Variants in SERGEF observed in about 807,000 individuals in gnomAD.
SERGEF encodes the protein secretion regulating guanine nucleotide exchange factor, also known as secretion-regulating guanine nucleotide exchange factor.
SERGEF carries 51 observed loss-of-function variants against 50.0 expected under a neutral mutation model. The ratio of observed to expected loss-of-function variants is 1.02; its 90% CI spans 0.81 to 1.29. The LOEUF is 1.29. SERGEF is among the 50% of genes most tolerant of loss of function. The pLI is 0.00. For missense variants in SERGEF, 521 were observed against 557.0 expected, an observed-to-expected ratio of 0.94 and a Z score of 0.65; for synonymous variants, 205 against 212.4, an observed-to-expected ratio of 0.97 and a Z score of 0.30.
At chr11:17,980,345 T>C (rs1455699136) in intron 8 of SERGEF, among the ~76,000 whole-genome samples, 1 of 152,166 alleles carries the variant, frequency 6.6e-6, no homozygotes, top group African/African-American at 2.4e-5. Flanking sequence ...ATCTTGCCTC[T>C]CTTCCATGCA....
chr11:17,918,665 C>G, intron 9 of SERGEF: 1 of 232,750 alleles, frequency 4.3e-6, no homozygotes. Context: ...CACACACACT[C>G]TCTCTCTCTC....
At chr11:17,845,017 C>T (rs1009846363) in intron 10 of SERGEF, among the ~76,000 whole-genome samples, 14 of 152,228 alleles carry the variant, frequency 9.2e-5, no homozygotes, top group East Asian at 5.8e-4. Context: ...ACATGCAGCT[C>T]GCTGCCCGTG....
At chr11:17,867,915 G>A (rs1851063361) in intron 10 of SERGEF, among the ~76,000 whole-genome samples, 2 of 152,138 alleles carry the variant, frequency 1.3e-5, no homozygotes, top group South Asian at 4.1e-4. Context: ...CTGGGACACA[G>A]GGCACCAAGT....
chr11:17,866,887 G>A (rs1271475575), intron 10 of SERGEF: 1 of 152,220 alleles, frequency 6.6e-6, no homozygotes, highest in Non-Finnish European at 1.5e-5. Context: ...GAGAGAGCTT[G>A]TGCAGAGAAA....
At chr11:17,844,997 G>A (rs891454650) in intron 10 of SERGEF, among the ~76,000 whole-genome samples, 1 of 152,084 alleles carries the variant, frequency 6.6e-6, no homozygotes, top group Admixed American at 6.6e-5. Context: ...ATTCAAAGCT[G>A]TCCTGGGCCA....
intron 10 of SERGEF, among the ~76,000 whole-genome samples, chr11:17,823,841 C>G (rs1565177117): frequency 6.6e-6 from 1 of 152,230 alleles, no homozygotes; most frequent in African/African-American, 2.4e-5. Context: ...ATTATCCATT[C>G]TCCTCTTCTT....
intron 8 of SERGEF, 125 bp downstream of exon 8, chr11:17,988,472 G>T: frequency 1.1e-6 from 1 of 871,874 alleles, no homozygotes; most frequent in Non-Finnish European, 1.7e-6. Context: ...CTAGATCCCA[G>T]TATCCCCATC....
intron 10 of SERGEF, among the ~76,000 whole-genome samples, chr11:17,825,961 A>G (rs1850184760): frequency 6.6e-6 from 1 of 152,176 alleles, no homozygotes; most frequent in African/African-American, 2.4e-5. Context: ...CTACTCTATA[A>G]CTTACTAGCT....
intron 9 of SERGEF, among the ~76,000 whole-genome samples, chr11:17,881,744 G>A (rs1485426639): frequency 6.6e-6 from 1 of 152,178 alleles, no homozygotes; most frequent in Non-Finnish European, 1.5e-5. Flanking sequence ...AGATAACAGT[G>A]TCTTCCCTGC....
intron 10 of SERGEF, among the ~76,000 whole-genome samples, chr11:17,876,418 A>G (rs1851236251): frequency 6.6e-6 from 1 of 152,214 alleles, no homozygotes; most frequent in Admixed American, 6.5e-5. Flanking sequence ...GAACAGTTAC[A>G]CTAACAAGTA....
intron 8 of SERGEF, among the ~76,000 whole-genome samples, chr11:17,982,852 T>C (rs1297081242): frequency 6.6e-6 from 1 of 151,982 alleles, no homozygotes; most frequent in Admixed American, 6.6e-5. Context: ...AAAACCTCAA[T>C]CAAAAGGATA....
At chr11:17,829,533 C>T (rs1850257204) in intron 10 of SERGEF, among the ~76,000 whole-genome samples, 1 of 152,026 alleles carries the variant, frequency 6.6e-6, no homozygotes, top group African/African-American at 2.4e-5. Context: ...ATGAATTAAC[C>T]CTTGATTCTT....
At chr11:17,958,375 G>A (rs900344259) in intron 9 of SERGEF, among the ~76,000 whole-genome samples, 2 of 152,044 alleles carry the variant, frequency 1.3e-5, no homozygotes. Context: ...CACATTTCCT[G>A]TGTGGCCATC....
In SERGEF at chr11:17,953,314, A is replaced by G. The variant is rs535327622; in HGVS notation, c.1011+6156T>C. Among the ~76,000 whole-genome samples, 19 of 152,292 alleles carry G rather than the reference A, an allele frequency of 1.2e-4. No homozygotes were observed. The South Asian group carries it at 3.9e-3, about 32-fold the overall frequency. On this transcript the variant is annotated intron_variant, in intron 9 of 10. Transcript: ENST00000265965. ...CTACCCTAATGCTGTGTTCAGACAG[A>G]TAGGCATACTCAAGCATCTATTGGA...
chr11:17,799,415 G>A (rs11024406), intron 10 of SERGEF, among the ~76,000 whole-genome samples: 31,498 of 152,120 alleles, frequency 0.21, 3,561 homozygotes, highest in African/African-American at 0.26. Flanking sequence ...ACCTGGCTGG[G>A]ACTTTCAGGT....
intron 8 of SERGEF, among the ~76,000 whole-genome samples, chr11:17,969,205 AG>A (rs1380011028): frequency 6.6e-6 from 1 of 152,168 alleles, no homozygotes; most frequent in African/African-American, 2.4e-5. Flanking sequence ...CTGTTCCTCC[AG>A]GGTCCAGCAG....
At chr11:18,009,794 T>G (rs1854159888) in intron 1 of SERGEF, among the ~76,000 whole-genome samples, 1 of 152,216 alleles carries the variant, frequency 6.6e-6, no homozygotes, top group African/African-American at 2.4e-5. Flanking sequence ...GTATTTCAGA[T>G]TCAGAATTTT....
intron 8 of SERGEF, among the ~76,000 whole-genome samples, chr11:17,966,296 G>A (rs1853122983): frequency 6.6e-6 from 1 of 152,142 alleles, no homozygotes; most frequent in South Asian, 2.1e-4. Flanking sequence ...AGATTCAGTT[G>A]GAAAAGAGAA....
In SERGEF at chr11:17,988,457, C is replaced by A. The variant is rs771044403; in HGVS notation, c.844+140G>T. 1.5e-5 allele frequency: 11 copies of A among 751,388 alleles called. No homozygotes were observed. The East Asian group carries it at 2.9e-4, about 20-fold the overall frequency. 46.5% of individuals were successfully genotyped at this position (751,388 alleles called of 1,614,324 possible). On this transcript the variant is annotated intron_variant, in intron 8 of 10. Transcript: ENST00000265965. ...GAAAAGCCACATATCTGGCTGGTGG[C>A]AGAACTAGATCCCAGTATCCCCATC... is the stretch of plus-strand genomic sequence containing the variant.
Sources: allele counts gnomAD v4.1 joint callset (sites outside exome capture counted in the v4.1 genomes callset), GRCh38; gene constraint gnomAD v4.1.1; transcripts MANE v1.5; gene names NCBI Gene and HGNC (gene_info 2026-07-23, HGNC 2026-07-21).